Variants in PLCXD1 observed in about 807,000 individuals in gnomAD.
PLCXD1 encodes the protein PI-PLC X domain-containing protein 1.
PLCXD1 carries 45 observed loss-of-function variants against 37.8 expected under a neutral mutation model. The ratio of observed to expected loss-of-function variants is 1.19; its 90% CI spans 0.94 to 1.53. The LOEUF (loss-of-function observed/expected upper bound fraction) is 1.53, where lower values mean the gene tolerates loss of function less well. Ranked by LOEUF, PLCXD1 falls within the 40% of genes most tolerant of loss-of-function variation. The pLI, the probability that PLCXD1 is intolerant of heterozygous loss-of-function variation, is 0.00. For synonymous variants in PLCXD1, 246 were observed against 206.9 expected, an observed-to-expected ratio of 1.19 and a Z score of -1.62; for missense variants, 539 against 454.7, an observed-to-expected ratio of 1.19 and a Z score of -1.69.
chrX:279,535 G>A (rs183554348), upstream of PLCXD1, among the ~76,000 whole-genome samples: 39 of 152,320 alleles, frequency 2.6e-4, no homozygotes, highest in East Asian at 6.6e-3. Context: ...ACTTTGGGAA[G>A]CCAAGGCGGG....
chrX:293,108 T>C lies in PLCXD1; in HGVS notation c.623T>C (p.Leu208Ser). The C allele has an allele frequency of 6.2e-7, 1 of 1,612,100 alleles. No homozygotes were observed. Among genetic ancestry groups the C allele is most frequent in the Non-Finnish European group, 8.5e-7 (1 of 1,179,566 alleles). Residue 208 changes from leucine to serine, a missense_variant, in exon 6 of 7, where the codon TTG becomes TCG. Physicochemically the swap from Leu to Ser is moderately radical, Grantham distance 145. Transcript: ENST00000381657. ...GTCTCCTATGAAGACGAGAGCTCCT[T>C]GCGCCGGCACCACGAGCTGTGGCCA... is the stretch of plus-strand genomic sequence containing the variant. Reference protein sequence around the residue: ...VIVSYEDESSLRRHHELWPGV... With the variant: ...VIVSYEDESSSRRHHELWPGV...
rs747152750 is a variant in PLCXD1, at chrX:290,631, G to A, written c.265-17G>A. On this transcript the variant is annotated splice_polypyrimidine_tract_variant and intron_variant, in intron 3 of 6. Coordinates refer to ENST00000381657, the MANE Select transcript of PLCXD1 (RefSeq NM_018390.4). ...GGCGCTCAGCCAGGCAGACATGACA[G>A]CAGCCTCTGTCCACAGGCACTGGAC... The A allele has an allele frequency of 1.2e-6, 2 of 1,613,174 alleles. No homozygotes were observed. Among genetic ancestry groups the A allele is most frequent in the African/African-American group, 2.7e-5 (2 of 74,920 alleles).
rs752750951 is a variant in PLCXD1 at position 302,764 on chromosome X, G to A, written c.*3429G>A. 6 of 152,140 alleles carry A rather than the reference G, an allele frequency of 3.9e-5. No individual in the cohort carries two copies. The South Asian group carries it at 1.0e-3, about 26-fold the overall frequency. 9.4% of individuals were successfully genotyped at this position (152,140 alleles called of 1,614,324 possible). A position where few individuals can be genotyped will look rare whatever the true frequency, so the allele number is the denominator to read the frequency against. ...AATTTTTGTGTGTTTAGCAGAGACGGGGTTTCACCATGTTGGCCAGGCTGG... is the reference window on the plus strand; with the variant it reads ...AATTTTTGTGTGTTTAGCAGAGACGAGGTTTCACCATGTTGGCCAGGCTGG... On this transcript the variant is annotated 3_prime_UTR_variant, in exon 7 of 7. Transcript: ENST00000381657.
chrX:283,362 T>A (rs1369615477), intron 1 of PLCXD1: 1 of 151,678 alleles, frequency 6.6e-6, no homozygotes, highest in Non-Finnish European at 1.5e-5. Context: ...CCAGCCCGTG[T>A]TATACGGTGC....
In PLCXD1 at chrX:301,147, G is replaced by A. The variant is rs28862351; in HGVS notation, c.*1812G>A. ...CAGCTCAGCCTCCCGTGTAGCTGGG[G>A]CTCCAGGGACACACCCCCACTGCTG... On this transcript the variant is annotated 3_prime_UTR_variant, in exon 7 of 7. Coordinates refer to ENST00000381657, the MANE Select transcript of PLCXD1 (RefSeq NM_018390.4). The A allele has an allele frequency of 0.13, 19,061 of 151,886 alleles. 3,179 individuals carry two copies. Among genetic ancestry groups the A allele is most frequent in the African/African-American group, 0.39 (15,936 of 41,310 alleles). 9.4% of individuals were successfully genotyped at this position (151,886 alleles called of 1,614,324 possible). A position where few individuals can be genotyped will look rare whatever the true frequency, so the allele number is the denominator to read the frequency against.
intron 6 of PLCXD1, among the ~76,000 whole-genome samples, chrX:296,751 T>C (rs2069821247): frequency 6.6e-6 from 1 of 152,012 alleles, no homozygotes; most frequent in Non-Finnish European, 1.5e-5. Context: ...GGGATAAGAA[T>C]GTGGACAAGT....
At chrX:285,772 T>C (rs6603172) in intron 2 of PLCXD1, among the ~76,000 whole-genome samples, 17,370 of 152,090 alleles carry the variant, frequency 0.11, 1,596 homozygotes, top group African/African-American at 0.26. Context: ...CACAGATACG[T>C]ATTGTCAACC....
intron 3 of PLCXD1, among the ~76,000 whole-genome samples, 191 bp from the exon 4 acceptor site, chrX:290,457 C>G (rs1013306537): frequency 2.0e-5 from 3 of 151,422 alleles, no homozygotes; most frequent in Non-Finnish European, 2.9e-5. Flanking sequence ...GCCAGGTCCC[C>G]GGAGATGAGG....
rs974595725 is a variant in PLCXD1, at chrX:285,126, G to A, written c.127+812G>A. ...CATACATACACACACACATGCATGCGCACACACATACATGCATGCACACAT... is the reference window on the plus strand; with the variant it reads ...CATACATACACACACACATGCATGCACACACACATACATGCATGCACACAT... On this transcript the variant is annotated intron_variant, in intron 2 of 6. Transcript: ENST00000381657. Among the ~76,000 whole-genome samples the A allele has an allele frequency of 9.6e-4, 58 of 60,156 alleles. No individual in the cohort carries two copies. In the South Asian group the frequency reaches 0.015, roughly 16 times the overall value. 39.5% of individuals were successfully genotyped at this position (60,156 alleles called of 152,430 possible). A position where few individuals can be genotyped will look rare whatever the true frequency, so the allele number is the denominator to read the frequency against.
chrX:289,510 C>CTTT (rs1281823641), intron 3 of PLCXD1, among the ~76,000 whole-genome samples: 14,581 of 96,034 alleles, frequency 0.15, 946 homozygotes, highest in Non-Finnish European at 0.16. Context: ...CTTTTTCTTT[C>CTTT]TTTTTCTTTT....
intron 5 of PLCXD1, 51 bp from the exon 6 acceptor site, chrX:292,984 G>GC: frequency 7.7e-7 from 1 of 1,301,388 alleles, no homozygotes; most frequent in Non-Finnish European, 1.1e-6. Flanking sequence ...TCTCCCAGGT[G>GC]CCCCCGGCTC....
chrX:285,126 GCACA>G (rs1284554352), intron 2 of PLCXD1, among the ~76,000 whole-genome samples: 3 of 60,112 alleles, frequency 5.0e-5, no homozygotes, highest in South Asian at 6.7e-4. Context: ...ACATGCATGC[GCACA>G]CACATACATG....
chrX:284,339 C>CG (rs2069376990), intron 2 of PLCXD1, 25 bp downstream of exon 2: 1 of 1,611,836 alleles, frequency 6.2e-7, no homozygotes. Context: ...GGGCAGGGGC[C>CG]GTTGCCTCTA....
At chrX:278,575 C>T (rs957279077), upstream of PLCXD1, among the ~76,000 whole-genome samples, 1 of 151,890 alleles carries the variant, frequency 6.6e-6, no homozygotes, top group African/African-American at 2.4e-5. Flanking sequence ...CCTGTCTCTA[C>T]TAAAAATACA....
intron 6 of PLCXD1, among the ~76,000 whole-genome samples, chrX:296,207 A>G (rs2069802525): frequency 6.7e-6 from 1 of 149,860 alleles, no homozygotes; most frequent in Non-Finnish European, 1.5e-5. Context: ...TGCAACCTCC[A>G]CCTCCTGGAT....
intron 1 of PLCXD1, among the ~76,000 whole-genome samples, chrX:282,891 A>G (rs1426186767): frequency 6.8e-6 from 1 of 146,016 alleles, no homozygotes; most frequent in Non-Finnish European, 1.5e-5. Context: ...TGTATGTGTT[A>G]TATATGTCTA....
In PLCXD1 at chrX:301,450, T is replaced by TTTC. The variant is rs1569340687; in HGVS notation, c.*2117_*2118insCTT. ...TCAGCCACCACACCCACAGCTAATTTTTTTTGTAGAGATGGGGTCTGGCTC... is the reference window on the plus strand; with the variant it reads ...TCAGCCACCACACCCACAGCTAATTTTTCTTTTTGTAGAGATGGGGTCTGGCTC... On this transcript the variant is annotated 3_prime_UTR_variant, in exon 7 of 7. Coordinates refer to ENST00000381657, the MANE Select transcript of PLCXD1 (RefSeq NM_018390.4). 7 of 121,882 alleles carry TTTC rather than the reference T, an allele frequency of 5.7e-5. No homozygotes were observed. Among genetic ancestry groups the TTTC allele is most frequent in the African/African-American group, 2.4e-4 (7 of 28,872 alleles). 7.6% of individuals were successfully genotyped at this position (121,882 alleles called of 1,614,324 possible).
chrX:284,335 G>C (rs201776940), intron 2 of PLCXD1, 21 bp downstream of exon 2: 1 of 1,612,180 alleles, frequency 6.2e-7, no homozygotes, highest in Admixed American at 1.7e-5. Flanking sequence ...GGTGGGGCAG[G>C]GGCCGTTGCC....
chrX:282,048 C>T (rs1192118040), intron 1 of PLCXD1, among the ~76,000 whole-genome samples: 6 of 152,086 alleles, frequency 3.9e-5, no homozygotes, highest in Admixed American at 1.3e-4. Flanking sequence ...GTGCCCGGCC[C>T]CTCCAGGTCT....
Sources: gnomAD v4.1 joint callset for allele counts (sites outside exome capture counted in the v4.1 genomes callset) on GRCh38, gnomAD v4.1.1 for gene constraint, MANE v1.5 for transcripts, NCBI Gene and HGNC (gene_info 2026-07-23, HGNC 2026-07-21) for gene names.